The following PAIP2B variants were observed in gnomAD, a reference collection of about 807,000 sequenced individuals.
PAIP2B encodes the protein polyadenylate-binding protein-interacting protein 2B.
A neutral mutation model predicts 17.0 loss-of-function variants in PAIP2B; 13 were observed. The ratio of observed to expected loss-of-function variants is 0.76; its 90% CI spans 0.50 to 1.22. The LOEUF (loss-of-function observed/expected upper bound fraction) is 1.22, where lower values mean the gene tolerates loss of function less well. Ranked by LOEUF, PAIP2B falls within the 50% of genes most tolerant of loss-of-function variation. The pLI is 0.00. For synonymous variants in PAIP2B, 43 were observed against 48.7 expected, an observed-to-expected ratio of 0.88 and a Z score of 0.48; for missense variants, 117 against 144.5, an observed-to-expected ratio of 0.81 and a Z score of 0.98.
intron 2 of PAIP2B, among the ~76,000 whole-genome samples, chr2:71,199,630 G>A (rs35262250): frequency 0.067 from 10,056 of 151,050 alleles, 373 homozygotes; most frequent in African/African-American, 0.093. Context: ...GCAGTGGCGC[G>A]ATCTCAGCTC....
At chr2:71,223,673 G>A (rs1181898357) in intron 1 of PAIP2B, among the ~76,000 whole-genome samples, 2 of 151,934 alleles carry the variant, frequency 1.3e-5, no homozygotes, top group Non-Finnish European at 2.9e-5. Flanking sequence ...TCCTGACCTC[G>A]TGATCCACCT....
intron 3 of PAIP2B, 58 bp downstream of exon 3, chr2:71,189,787 A>G: frequency 7.0e-7 from 1 of 1,438,342 alleles, no homozygotes; most frequent in Non-Finnish European, 9.3e-7. Context: ...AAAGTCTGTC[A>G]TTCCAAATCC....
intron 1 of PAIP2B, among the ~76,000 whole-genome samples, chr2:71,218,648 C>T (rs961194776): frequency 2.0e-5 from 3 of 151,024 alleles, no homozygotes; most frequent in South Asian, 2.1e-4. Flanking sequence ...CTATGAATTC[C>T]GTCCAAAAAT....
At chr2:71,203,837 A>G (rs1157499830) in intron 1 of PAIP2B, among the ~76,000 whole-genome samples, 1 of 151,860 alleles carries the variant, frequency 6.6e-6, no homozygotes, top group Non-Finnish European at 1.5e-5. Flanking sequence ...TCTAGCTCAT[A>G]TATATGTTTC....
chr2:71,217,137 T>C (rs1460624905), intron 1 of PAIP2B, among the ~76,000 whole-genome samples: 3 of 152,170 alleles, frequency 2.0e-5, no homozygotes, highest in South Asian at 2.1e-4. Context: ...GCTATATATA[T>C]ATATTTTAAT....
intron 1 of PAIP2B, among the ~76,000 whole-genome samples, chr2:71,226,369 G>A (rs915524279): frequency 3.9e-5 from 6 of 152,230 alleles, no homozygotes; most frequent in African/African-American, 1.4e-4. Context: ...AGGCACAAGA[G>A]AAGTGGCGAA....
Position 71,202,487 on chromosome 2 carries a change from T to C in PAIP2B, c.103A>G (p.Met35Val). The C allele has an allele frequency of 1.2e-6, 2 of 1,614,018 alleles. No homozygotes were observed. The highest frequency in any genetic ancestry group is 1.1e-5 in the South Asian group (1 of 91,068). Residue 35 changes from methionine (M) to valine (V), a missense_variant, in exon 2 of 4, where the codon ATG becomes GTG. Coordinates refer to ENST00000244221, the MANE Select transcript of PAIP2B (RefSeq NM_020459.1). ...DEKENPFAEY[M>V]WMENEEDFNR... is the part of the protein sequence containing the mutation. ...AAATCCTCTTCATTCTCCATCCACA[T>C]GTACTCTGCAAATGGGTTTTCCTTT...
At chr2:71,196,636 C>G (rs74333073) in intron 2 of PAIP2B, among the ~76,000 whole-genome samples, 9,909 of 151,838 alleles carry the variant, frequency 0.065, 353 homozygotes, top group African/African-American at 0.088. Context: ...TATTATGTGG[C>G]TGTCTATGTC....
chr2:71,207,633 T>C (rs1408435488), intron 1 of PAIP2B, among the ~76,000 whole-genome samples: 1 of 151,968 alleles, frequency 6.6e-6, no homozygotes, highest in African/African-American at 2.4e-5. Context: ...ATTGCTCCAA[T>C]CCAGATGAAA....
At chr2:71,210,530 G>A (rs1171744278) in intron 1 of PAIP2B, among the ~76,000 whole-genome samples, 13 of 152,134 alleles carry the variant, frequency 8.5e-5, no homozygotes, top group South Asian at 6.2e-4. Context: ...CAAATATAAC[G>A]TCAGTGAGCT....
chr2:71,197,926 T>C (rs1364419517), intron 2 of PAIP2B, among the ~76,000 whole-genome samples: 1 of 152,208 alleles, frequency 6.6e-6, no homozygotes, highest in African/African-American at 2.4e-5. Context: ...TTATGGGAGC[T>C]ACAAGATGAG....
chr2:71,193,881 C>T (rs959919422), intron 2 of PAIP2B, among the ~76,000 whole-genome samples: 18 of 152,042 alleles, frequency 1.2e-4, no homozygotes, highest in African/African-American at 4.1e-4. Context: ...TTTAATCCAT[C>T]TTGAGTTTAT....
rs1178966535 is a variant in PAIP2B at position 71,185,700 on chromosome 2, A to T, written c.*2779T>A. The T allele has an allele frequency of 2.0e-5, 3 of 152,202 alleles. No individual in the cohort carries two copies. Among genetic ancestry groups the T allele is most frequent in the African/African-American group, 7.2e-5 (3 of 41,448 alleles). The allele number at this position is 152,202 out of a possible 1,614,324, so 9.4% of individuals were successfully genotyped here. ...ACCCTTATGTGATTCCCAAAACTCA[A>T]CTATTATTGTCAGAAACTGGCCCAA... On this transcript the variant is annotated 3_prime_UTR_variant, in exon 4 of 4. Transcript: ENST00000244221.
intron 1 of PAIP2B, among the ~76,000 whole-genome samples, chr2:71,220,241 C>A (rs1044110368): frequency 6.6e-6 from 1 of 152,126 alleles, no homozygotes; most frequent in African/African-American, 2.4e-5. Context: ...GCCCCTTTTT[C>A]AGTTTTCATT....
chr2:71,192,532 A>C (rs1484138839), intron 2 of PAIP2B, among the ~76,000 whole-genome samples: 2 of 152,074 alleles, frequency 1.3e-5, no homozygotes, highest in East Asian at 3.9e-4. Context: ...ACATATTATC[A>C]TATCACCAGG....
At chr2:71,192,833 T>C (rs6755347) in intron 2 of PAIP2B, among the ~76,000 whole-genome samples, 1,784 of 152,364 alleles carry the variant, frequency 0.012, 35 homozygotes, top group African/African-American at 0.038. Flanking sequence ...TTATCCAGTC[T>C]GTCACTGATA....
chr2:71,213,570 C>T (rs544801605), intron 1 of PAIP2B, among the ~76,000 whole-genome samples: 1 of 152,110 alleles, frequency 6.6e-6, no homozygotes, highest in Non-Finnish European at 1.5e-5. Context: ...GTATGAAAGG[C>T]CTCACACTGT....
rs577839787 is a variant in PAIP2B, at chr2:71,221,739, A to G, written c.-12+5189T>C. ...ACTCTCCAAAGGGTTCTTTTAAAAT[A>G]TGCTATAGTCATACTGAGAGGTGAG... is the stretch of plus-strand genomic sequence containing the variant. On this transcript the variant is annotated intron_variant, in intron 1 of 3. Transcript: ENST00000244221. Among the ~76,000 whole-genome samples, 14 of 152,348 alleles carry G rather than the reference A, an allele frequency of 9.2e-5. No homozygotes were observed. In the South Asian group the frequency reaches 2.7e-3, roughly 29 times the overall value.
chr2:71,195,449 G>C lies in PAIP2B; in HGVS notation c.139-5428C>G, dbSNP rs747897706. ...CAATTTCTTCCTAGCTCAGTCTTGG[G>C]AGGGTTTATGTGTCCAGGAATTTAT... On this transcript the variant is annotated intron_variant, in intron 2 of 3. Transcript: ENST00000244221. 2.0e-5 allele frequency among the ~76,000 whole-genome samples: 3 copies of C among 152,144 alleles called. No homozygotes were observed. The East Asian group carries it at 5.8e-4, about 29-fold the overall frequency.
Sources: allele counts gnomAD v4.1 joint callset (sites outside exome capture counted in the v4.1 genomes callset), GRCh38; gene constraint gnomAD v4.1.1; transcripts MANE v1.5; gene names NCBI Gene and HGNC (gene_info 2026-07-23, HGNC 2026-07-21).